The following MKLN1 variants were observed in gnomAD, a reference collection of about 807,000 sequenced individuals.
The protein encoded by MKLN1 is muskelin.
In MKLN1, 18 loss-of-function variants were observed where a neutral mutation model predicts 99.0. The observed-to-expected ratio is 0.18, with a 90% CI of 0.13 to 0.27. The LOEUF is 0.27. MKLN1 is among the 10% of genes least tolerant of loss of function. The pLI, the probability that MKLN1 is intolerant of heterozygous loss-of-function variation, is 1.00. For missense variants in MKLN1, 621 were observed against 875.9 expected (o/e 0.71, Z 3.67); for synonymous variants, 288 against 293.2 (o/e 0.98, Z 0.18).
chr7:131,451,237 G>A (rs1392925672), intron 12 of MKLN1, among the ~76,000 whole-genome samples: 1 of 151,906 alleles, frequency 6.6e-6, no homozygotes, highest in Non-Finnish European at 1.5e-5. Context: ...TAATCATTCT[G>A]TTGTTTGTTA....
intron 2 of MKLN1, among the ~76,000 whole-genome samples, chr7:131,172,618 A>T (rs985525986): frequency 6.6e-6 from 1 of 152,066 alleles, no homozygotes; most frequent in African/African-American, 2.4e-5. Context: ...CCGGCCAAGA[A>T]TTAATTTATT....
intron 4 of MKLN1, among the ~76,000 whole-genome samples, chr7:131,389,912 T>C (rs1007455155): frequency 1.7e-4 from 25 of 151,028 alleles, no homozygotes; most frequent in African/African-American, 5.6e-4. Flanking sequence ...AAAAAAAAAA[T>C]ACTTCTAATT....
At chr7:131,194,468 C>T (rs1395835125) in intron 2 of MKLN1, among the ~76,000 whole-genome samples, 18 of 152,098 alleles carry the variant, frequency 1.2e-4, no homozygotes, top group Admixed American at 1.1e-3. Context: ...GATATTTAAT[C>T]CTTACAAGCT....
intron 3 of MKLN1, among the ~76,000 whole-genome samples, chr7:131,238,993 T>C (rs73491158): frequency 0.03 from 4,589 of 152,250 alleles, 206 homozygotes; most frequent in African/African-American, 0.1. Context: ...TAGAATTTAG[T>C]TGAGCTGTTT....
intron 1 of MKLN1, among the ~76,000 whole-genome samples, chr7:131,331,946 C>A (rs75727502): frequency 6.6e-6 from 1 of 151,990 alleles, no homozygotes; most frequent in Non-Finnish European, 1.5e-5. Flanking sequence ...ATGATAAAAT[C>A]TGATAGATTT....
At position 131,411,289 on chromosome 7, in the gene MKLN1, T is replaced by C; in HGVS notation, c.704-17T>C. The C allele has an allele frequency of 6.6e-7, 1 of 1,526,450 alleles. No homozygotes were observed. Among genetic ancestry groups the C allele is most frequent in the Non-Finnish European group, 9.1e-7 (1 of 1,101,998 alleles). The allele number at this position is 1,526,450 out of a possible 1,614,324, so 94.6% of individuals were successfully genotyped here. A position where few individuals can be genotyped will look rare whatever the true frequency, so the allele number is the denominator to read the frequency against. On this transcript the variant is annotated splice_polypyrimidine_tract_variant and intron_variant, in intron 6 of 17. Coordinates refer to ENST00000352689, the MANE Select transcript of MKLN1 (RefSeq NM_013255.5). ...GTAGTTAAGGTGTAATTCTTTCTCA[T>C]TCTTCAATATTTGCAGATGGCTTGT...
At chr7:131,182,468 T>C (rs1490155065) in intron 2 of MKLN1, among the ~76,000 whole-genome samples, 1 of 152,216 alleles carries the variant, frequency 6.6e-6, no homozygotes, top group Admixed American at 6.5e-5. Flanking sequence ...CAATTTAGCT[T>C]ATCCTTTAGC....
At chr7:131,474,308 A>G (rs372542355) in intron 16 of MKLN1, among the ~76,000 whole-genome samples, 2 of 152,232 alleles carry the variant, frequency 1.3e-5, no homozygotes, top group African/African-American at 2.4e-5. Flanking sequence ...TGGAGTTACT[A>G]TCAACTGAAG....
At chr7:131,438,410 G>A (rs895722987) in intron 10 of MKLN1, among the ~76,000 whole-genome samples, 3 of 150,248 alleles carry the variant, frequency 2.0e-5, no homozygotes, top group African/African-American at 7.4e-5. Context: ...CTTCCAGTTA[G>A]AGTGAAATAT....
chr7:131,340,130 C>G (rs755622966), intron 1 of MKLN1, among the ~76,000 whole-genome samples: 1 of 151,980 alleles, frequency 6.6e-6, no homozygotes, highest in Admixed American at 6.6e-5. Flanking sequence ...TGTTTATTCT[C>G]GAGCTATCAG....
chr7:131,212,621 T>G (rs142600072), intron 3 of MKLN1, among the ~76,000 whole-genome samples: 2 of 152,262 alleles, frequency 1.3e-5, no homozygotes, highest in Non-Finnish European at 1.5e-5. Flanking sequence ...AACAAACATC[T>G]ATGTGTAAAA....
At chr7:131,484,742 A>C (rs1346992446) in intron 17 of MKLN1, among the ~76,000 whole-genome samples, 1 of 152,186 alleles carries the variant, frequency 6.6e-6, no homozygotes. Context: ...AGTGAGGTAT[A>C]GTCTACAAAC....
intron 2 of MKLN1, among the ~76,000 whole-genome samples, chr7:131,147,126 T>C (rs1442650839): frequency 6.6e-6 from 1 of 151,996 alleles, no homozygotes; most frequent in Admixed American, 6.6e-5. Flanking sequence ...TGGCACAGTC[T>C]CAGCAACCTT....
At chr7:131,376,129 T>TAA (rs1793650196) in intron 2 of MKLN1, among the ~76,000 whole-genome samples, 2 of 218 alleles carry the variant, frequency 9.2e-3, no homozygotes, top group Admixed American at 0.038. Flanking sequence ...TATATATATA[T>TAA]ATATATGTAT....
intron 3 of MKLN1, among the ~76,000 whole-genome samples, chr7:131,254,246 C>T (rs1797624381): frequency 6.6e-6 from 1 of 152,166 alleles, no homozygotes; most frequent in South Asian, 2.1e-4. Flanking sequence ...GGAAAATAGA[C>T]TTCACTAAAA....
At chr7:131,422,869 C>G (rs1267834720) in intron 8 of MKLN1, among the ~76,000 whole-genome samples, 1 of 152,052 alleles carries the variant, frequency 6.6e-6, no homozygotes, top group Non-Finnish European at 1.5e-5. Flanking sequence ...ATCATTCATG[C>G]CATGGTAGAG....
At chr7:131,423,645 A>C (rs925869156) in intron 8 of MKLN1, among the ~76,000 whole-genome samples, 2 of 152,060 alleles carry the variant, frequency 1.3e-5, no homozygotes, top group African/African-American at 4.8e-5. Context: ...AAGTGCTTTT[A>C]TTTTTTTACA....
chr7:131,127,684 G>A (rs1396709232), intron 1 of MKLN1, among the ~76,000 whole-genome samples: 1 of 152,194 alleles, frequency 6.6e-6, no homozygotes, highest in Non-Finnish European at 1.5e-5. Flanking sequence ...TTTGAACTGT[G>A]CCTGGAGCAT....
Position 131,487,837 on chromosome 7 carries a change from G to T in MKLN1, c.*109G>T. On this transcript the variant is annotated 3_prime_UTR_variant, in exon 18 of 18. Coordinates refer to ENST00000352689, the MANE Select transcript of MKLN1 (RefSeq NM_013255.5). This position sits in a 1 kb window ranked among gnomAD's most constrained non-coding sequence, Gnocchi z 4.7. Reference sequence around the variant, plus strand: ...GCTGCAGTGATTGAGGACTGCACCAGAGTTCTGAAGGGATCTTAACCATCA... The same window carrying T: ...GCTGCAGTGATTGAGGACTGCACCATAGTTCTGAAGGGATCTTAACCATCA... 1 of 1,297,660 alleles carries T rather than the reference G, an allele frequency of 7.7e-7. No homozygotes were observed. 80.4% of individuals were successfully genotyped at this position (1,297,660 alleles called of 1,614,324 possible). A position where few individuals can be genotyped will look rare whatever the true frequency, so the allele number is the denominator to read the frequency against.
Sources: allele counts gnomAD v4.1 joint callset (sites outside exome capture counted in the v4.1 genomes callset), GRCh38; gene constraint gnomAD v4.1.1; non-coding constraint Gnocchi (gnomAD v3.1); transcripts MANE v1.5; gene names NCBI Gene and HGNC (gene_info 2026-07-23, HGNC 2026-07-21).